Variants in SLIT2 observed in about 807,000 individuals in gnomAD.
SLIT2 encodes the protein slit guidance ligand 2, also known as slit homolog 2 protein.
Under a neutral mutation model 185.7 loss-of-function variants are expected in SLIT2, and 41 were observed. The observed-to-expected ratio is 0.22, with a 90% CI of 0.17 to 0.29. The LOEUF is 0.29. Ranked by LOEUF, SLIT2 falls within the 10% of genes least tolerant of loss-of-function variation. SLIT2 has a pLI of 1.00. For missense variants in SLIT2, 1,571 were observed against 1,909.0 expected (o/e 0.82, Z 3.30); for synonymous variants, 693 against 680.2 (o/e 1.02, Z -0.29).
chr4:20,392,971 A>G (rs1725552689), intron 4 of SLIT2, among the ~76,000 whole-genome samples: 2 of 152,090 alleles, frequency 1.3e-5, no homozygotes, highest in Admixed American at 1.3e-4. Context: ...TATAGTAAAT[A>G]CATACACCGT....
Position 20,610,084 on chromosome 4 carries a change from C to G in SLIT2, c.3764C>G (p.Ser1255Cys). 1 of 1,613,684 alleles carries G rather than the reference C, an allele frequency of 6.2e-7. No individual in the cohort carries two copies. The highest frequency in any genetic ancestry group is 1.1e-5 in the South Asian group (1 of 91,056). The change falls in exon 34 of 37, where the codon TCC becomes TGC. Residue 1255 changes from serine (S) to cysteine (C), a missense_variant. Physicochemically the swap from Ser to Cys is moderately radical, Grantham distance 112. This residue lies in a region of SLIT2 where 146 missense variants were observed against 247.4 expected (regional missense o/e 0.59). Transcript: ENST00000504154. ...GCCTTGGATCAGAGTCTCTCTTTGT[C>G]CGTGGATGGTGGGAACCCCAAAATC... The part of the protein sequence containing the change: ...LLALDQSLSL[S>C]VDGGNPKIIT...
chr4:20,282,039 C>A (rs1714826440), intron 4 of SLIT2, among the ~76,000 whole-genome samples: 1 of 152,146 alleles, frequency 6.6e-6, no homozygotes, highest in Non-Finnish European at 1.5e-5. Flanking sequence ...TCATCAGAAC[C>A]TTTCTGTTGC....
At chr4:20,493,526 T>C (rs1427931309) in intron 9 of SLIT2, among the ~76,000 whole-genome samples, 1 of 152,082 alleles carries the variant, frequency 6.6e-6, no homozygotes, top group African/African-American at 2.4e-5. Context: ...GTGAAAAACA[T>C]AATAAGAGAT....
In SLIT2 at chr4:20,523,888, G is replaced by A. The variant is rs749945090; in HGVS notation, c.1259G>A (p.Arg420Gln). The A allele has an allele frequency of 8.7e-6, 14 of 1,613,962 alleles. No individual in the cohort carries two copies. The highest frequency in any genetic ancestry group is 1.7e-4 in the Middle Eastern group (1 of 6,058). ...GCCAAGGGGACCTTTTCACCTCTTC[G>A]GGCCATTCAAACTATGTATGTATAA... ...TIAKGTFSPL[R>Q]AIQTMHLAQN... Residue 420 changes from arginine to glutamine, a missense_variant, in exon 13 of 37, where the codon CGG becomes CAG. By Grantham distance (43) the Arg-to-Gln change is conservative. Coordinates refer to ENST00000504154, the MANE Select transcript of SLIT2 (RefSeq NM_004787.4).
intron 4 of SLIT2, among the ~76,000 whole-genome samples, chr4:20,430,085 A>G (rs900456117): frequency 2.6e-5 from 4 of 152,222 alleles, no homozygotes; most frequent in Admixed American, 2.6e-4. Flanking sequence ...CATACTGAAA[A>G]AAACACAGAC....
chr4:20,323,147 T>A (rs570087099), intron 4 of SLIT2, among the ~76,000 whole-genome samples: 1 of 152,228 alleles, frequency 6.6e-6, no homozygotes, highest in South Asian at 2.1e-4. Flanking sequence ...GAATCTCCTA[T>A]CTAGGCAAAG....
intron 4 of SLIT2, among the ~76,000 whole-genome samples, chr4:20,315,092 G>A (rs1208242654): frequency 6.6e-6 from 1 of 151,972 alleles, no homozygotes; most frequent in East Asian, 1.9e-4. Flanking sequence ...ATCTTAGAGA[G>A]ATCAAAGTAC....
intron 4 of SLIT2, among the ~76,000 whole-genome samples, chr4:20,376,422 C>T (rs1724027134): frequency 6.6e-6 from 1 of 151,882 alleles, no homozygotes; most frequent in Non-Finnish European, 1.5e-5. Context: ...TGAGATAATT[C>T]CATTGTAGAA....
chr4:20,460,187 C>T (rs1713546693), intron 4 of SLIT2, among the ~76,000 whole-genome samples: 1 of 151,404 alleles, frequency 6.6e-6, no homozygotes, highest in Non-Finnish European at 1.5e-5. Context: ...TTTTTTTTTC[C>T]CTGCCTCCCT....
chr4:20,294,359 AAAAG>A (rs1248930879), intron 4 of SLIT2, among the ~76,000 whole-genome samples: 5 of 151,882 alleles, frequency 3.3e-5, no homozygotes, highest in African/African-American at 1.2e-4. Context: ...AAAAAAAAAA[AAAAG>A]AAAGCACCCA....
At chr4:20,410,926 AG>A (rs2109428520) in intron 4 of SLIT2, among the ~76,000 whole-genome samples, 1 of 152,270 alleles carries the variant, frequency 6.6e-6, no homozygotes, top group East Asian at 1.9e-4. Context: ...TGAATTTTAA[AG>A]TATTTTTTTC....
In SLIT2 at chr4:20,513,023, A is replaced by G. The variant is rs546868012; in HGVS notation, c.1058+1886A>G. 4.6e-5 allele frequency among the ~76,000 whole-genome samples: 7 copies of G among 152,358 alleles called. No homozygotes were observed. The South Asian group carries it at 1.4e-3, about 32-fold the overall frequency. On this transcript the variant is annotated intron_variant, in intron 11 of 36. Coordinates refer to ENST00000504154, the MANE Select transcript of SLIT2 (RefSeq NM_004787.4). The stretch of plus-strand genomic sequence containing the variant: ...TTCCTGTAATTAATGATTATAAATT[A>G]TGTAATCTAATAAACAATAAAATAG...
intron 16 of SLIT2, 23 bp from the exon 17 acceptor site, chr4:20,531,961 T>C: frequency 2.1e-6 from 3 of 1,437,060 alleles, no homozygotes; most frequent in Non-Finnish European, 2.9e-6. Context: ...ATAAAACTTC[T>C]CTATTCCTTC....
At chr4:20,519,608 G>C (rs1720636626) in intron 12 of SLIT2, among the ~76,000 whole-genome samples, 155 bp downstream of exon 12, 2 of 152,004 alleles carry the variant, frequency 1.3e-5, no homozygotes, top group South Asian at 4.1e-4. Context: ...TAGTATTCGT[G>C]ATTATTTACT....
intron 4 of SLIT2, among the ~76,000 whole-genome samples, chr4:20,437,165 T>C (rs1729397494): frequency 6.6e-6 from 1 of 152,176 alleles, no homozygotes; most frequent in African/African-American, 2.4e-5. Flanking sequence ...CAGACTCATA[T>C]ACCATTGCCT....
intron 5 of SLIT2, among the ~76,000 whole-genome samples, chr4:20,472,389 G>GATATCTATATATCT (rs1560453761): frequency 3.2e-4 from 3 of 9,326 alleles, no homozygotes; most frequent in Admixed American, 1.9e-3. Context: ...TATATATGTA[G>GATATCTATATATCT]ATATATAGAT....
chr4:20,292,318 A>G (rs1366322494), intron 4 of SLIT2, among the ~76,000 whole-genome samples: 2 of 152,190 alleles, frequency 1.3e-5, no homozygotes, highest in Non-Finnish European at 2.9e-5. Flanking sequence ...TCAACGTGTG[A>G]CTATTTAGGA....
intron 9 of SLIT2, among the ~76,000 whole-genome samples, chr4:20,495,811 C>T (rs1417024320): frequency 6.6e-6 from 1 of 152,052 alleles, no homozygotes; most frequent in Non-Finnish European, 1.5e-5. Flanking sequence ...AAGATAATTC[C>T]ATTTTCATTC....
Position 20,253,687 on chromosome 4 carries a change from C to A in SLIT2, c.-129C>A. The A allele has an allele frequency of 1.8e-6, 2 of 1,098,974 alleles. No individual in the cohort carries two copies. Among genetic ancestry groups the A allele is most frequent in the Non-Finnish European group, 2.6e-6 (2 of 760,492 alleles). The allele number at this position is 1,098,974 out of a possible 1,614,324, so 68.1% of individuals were successfully genotyped here. The stretch of plus-strand genomic sequence containing the variant: ...CTGCCTTGTTCCATATTATTTGGTG[C>A]ACATTTTCCCTGGCACTCTGGGTTG... On this transcript the variant is annotated 5_prime_UTR_variant, in exon 1 of 37. Coordinates refer to ENST00000504154, the MANE Select transcript of SLIT2 (RefSeq NM_004787.4).
Sources: allele counts gnomAD v4.1 joint callset (sites outside exome capture counted in the v4.1 genomes callset), GRCh38; gene constraint gnomAD v4.1.1; regional missense constraint gnomAD v4.1.1; transcripts MANE v1.5; gene names NCBI Gene and HGNC (gene_info 2026-07-23, HGNC 2026-07-21).